The following MSL2 variants were observed in gnomAD, a reference collection of about 807,000 sequenced individuals.
MSL2 encodes MSL complex subunit 2.
In MSL2, 2 loss-of-function variants were observed where a neutral mutation model predicts 35.8. The ratio of observed to expected loss-of-function variants is 0.06; its 90% CI spans 0.02 to 0.18. MSL2 has a LOEUF of 0.18. Ranked by LOEUF, MSL2 falls within the 10% of genes least tolerant of loss-of-function variation. The probability of loss-of-function intolerance (pLI) is 1.00; values close to 1 mark genes in which losing one functional copy is unlikely to be tolerated. For synonymous variants in MSL2, 296 were observed against 255.7 expected (o/e 1.16, Z -1.50); for missense variants, 523 against 706.7 (o/e 0.74, Z 2.95).
intron 1 of MSL2, among the ~76,000 whole-genome samples, chr3:136,172,353 C>CA (rs1304985291): frequency 6.6e-6 from 1 of 152,060 alleles, no homozygotes; most frequent in Non-Finnish European, 1.5e-5. Context: ...CTTTGGCTCA[C>CA]ATACCTCCCA....
intron 1 of MSL2, among the ~76,000 whole-genome samples, chr3:136,192,014 C>T (rs937062308): frequency 6.6e-5 from 10 of 152,078 alleles, no homozygotes; most frequent in African/African-American, 2.4e-4. Context: ...GAATGTGAAG[C>T]AGAAGAAATA....
chr3:136,183,077 A>G (rs564930543), intron 1 of MSL2, among the ~76,000 whole-genome samples: 1 of 152,310 alleles, frequency 6.6e-6, no homozygotes, highest in South Asian at 2.1e-4. Context: ...GCTCAAGAAT[A>G]TTTGTAGTAC....
intron 1 of MSL2, among the ~76,000 whole-genome samples, chr3:136,191,872 A>G (rs1308808725): frequency 6.6e-6 from 1 of 152,258 alleles, no homozygotes; most frequent in African/African-American, 2.4e-5. Context: ...CAAAAAGTTA[A>G]AGCAATGTGC....
chr3:136,173,818 CCCTA>C (rs1397960952), intron 1 of MSL2, among the ~76,000 whole-genome samples: 1 of 152,092 alleles, frequency 6.6e-6, no homozygotes, highest in Non-Finnish European at 1.5e-5. Context: ...AGAATCTAGC[CCCTA>C]CCTACCTGTC....
intron 1 of MSL2, among the ~76,000 whole-genome samples, chr3:136,184,752 G>A (rs375383248): frequency 0.014 from 381 of 26,806 alleles, 10 homozygotes; most frequent in South Asian, 0.12. Context: ...AAAAAAAAAG[G>A]GGGGGGGGGG....
intron 1 of MSL2, among the ~76,000 whole-genome samples, chr3:136,189,432 T>C (rs368557448): frequency 3.0e-4 from 43 of 145,676 alleles, no homozygotes; most frequent in African/African-American, 8.2e-4. Context: ...CTCTAAAGAA[T>C]TCTTCCCAGA....
At position 136,195,693 on chromosome 3, in the gene MSL2, G is replaced by A. The variant is rs1940823447; in HGVS notation, c.-580C>T. On this transcript the variant is annotated 5_prime_UTR_variant, in exon 1 of 2. Coordinates refer to ENST00000309993, the MANE Select transcript of MSL2 (RefSeq NM_018133.4). ...CGGCGGCGACGAAGGTTGATGTTGCGGCTGGCGGACGCCGCCGCCGCGCTC... is the reference window on the plus strand; with the variant it reads ...CGGCGGCGACGAAGGTTGATGTTGCAGCTGGCGGACGCCGCCGCCGCGCTC... 2.0e-6 allele frequency: 2 copies of A among 985,454 alleles called. No individual in the cohort carries two copies. Among genetic ancestry groups the A allele is most frequent in the Middle Eastern group, 5.2e-4 (1 of 1,914 alleles). The allele number at this position is 985,454 out of a possible 1,614,324, so 61.0% of individuals were successfully genotyped here. A position where few individuals can be genotyped will look rare whatever the true frequency, so the allele number is the denominator to read the frequency against.
At chr3:136,162,848 G>A (rs2108068908) in intron 1 of MSL2, among the ~76,000 whole-genome samples, 1 of 152,150 alleles carries the variant, frequency 6.6e-6, no homozygotes, top group South Asian at 2.1e-4. Context: ...CTCAATCCTT[G>A]CAATCCTCAT....
At chr3:136,187,139 G>A (rs1245844962) in intron 1 of MSL2, among the ~76,000 whole-genome samples, 1 of 152,162 alleles carries the variant, frequency 6.6e-6, no homozygotes, top group African/African-American at 2.4e-5. Flanking sequence ...TGAAAGCACT[G>A]TGCTAAACAT....
intron 1 of MSL2, among the ~76,000 whole-genome samples, chr3:136,165,386 A>G (rs970642334): frequency 1.3e-5 from 2 of 152,032 alleles, no homozygotes; most frequent in African/African-American, 4.8e-5. Context: ...CAACATTTTC[A>G]TTTTTGTTTA....
At chr3:136,185,751 C>G (rs1196827560) in intron 1 of MSL2, among the ~76,000 whole-genome samples, 1 of 152,124 alleles carries the variant, frequency 6.6e-6, no homozygotes, top group Non-Finnish European at 1.5e-5. Context: ...GATGATCCAC[C>G]TGCCTCGGCC....
Position 136,154,136 on chromosome 3 carries a change from C to T in MSL2, c.143-1398G>A, listed in dbSNP as rs1271796629. On this transcript the variant is annotated intron_variant, in intron 1 of 1. Coordinates refer to ENST00000309993, the MANE Select transcript of MSL2 (RefSeq NM_018133.4). ...AGTAGGAGAGAACTATGTTCAACTA[C>T]ATTAAAACAAAGAAAAAAGGAGTAC... Among the ~76,000 whole-genome samples the T allele has an allele frequency of 1.4e-5, 2 of 147,828 alleles. 1 individual carries two copies. Among genetic ancestry groups the T allele is most frequent in the Admixed American group, 1.3e-4 (2 of 14,846 alleles).
In MSL2 at chr3:136,196,258, G is replaced by T. The variant is rs1297696038; in HGVS notation, c.-1145C>A. The T allele has an allele frequency of 6.6e-6, 1 of 152,452 alleles. No homozygotes were observed. The highest frequency in any genetic ancestry group is 1.5e-5 in the Non-Finnish European group (1 of 68,600). The allele number at this position is 152,452 out of a possible 1,614,324, so 9.4% of individuals were successfully genotyped here. On this transcript the variant is annotated 5_prime_UTR_variant, in exon 1 of 2. Coordinates refer to ENST00000309993, the MANE Select transcript of MSL2 (RefSeq NM_018133.4). ...GCCTCTGCTGGCGGCGACGACGACCGTTACCCCAACGGGCAAAGCCACTGT... is the reference window on the plus strand; with the variant it reads ...GCCTCTGCTGGCGGCGACGACGACCTTTACCCCAACGGGCAAAGCCACTGT...
rs902116681 is a variant in MSL2, at chr3:136,149,046, A to C, written c.*2101T>G. ...AAACAACCTGAATTCATCATTGGCA[A>C]TATTACATAACAATCAAGGCCCTCA... is the stretch of plus-strand genomic sequence containing the variant. On this transcript the variant is annotated 3_prime_UTR_variant, in exon 2 of 2. Coordinates refer to ENST00000309993, the MANE Select transcript of MSL2 (RefSeq NM_018133.4). 5.2e-5 allele frequency: 8 copies of C among 152,416 alleles called. No homozygotes were observed. The allele number at this position is 152,416 out of a possible 1,614,324, so 9.4% of individuals were successfully genotyped here.
In MSL2 at chr3:136,151,233, C is replaced by T. The variant is rs1361998482; in HGVS notation, c.1648G>A (p.Gly550Arg). The T allele has an allele frequency of 6.2e-7, 1 of 1,614,228 alleles. No individual in the cohort carries two copies. The highest frequency in any genetic ancestry group is 1.1e-5 in the South Asian group (1 of 91,090). The change falls in exon 2 of 2, where the codon GGG becomes AGG. Residue 550 changes from glycine (G) to arginine (R), a missense_variant. Coordinates refer to ENST00000309993, the MANE Select transcript of MSL2 (RefSeq NM_018133.4). The surrounding 1 kb of genome is among the most constrained non-coding windows in gnomAD (Gnocchi z 5.2). ...GCTAAAAACGTCGTTACTGGGGACCCTGTGACATTTATTACACTGGTGCTG... is the reference window on the plus strand; with the variant it reads ...GCTAAAAACGTCGTTACTGGGGACCTTGTGACATTTATTACACTGGTGCTG... ...STSTSVINVT[G>R]SPVTTFLAAS...
At position 136,180,795 on chromosome 3, in the gene MSL2, AGGG is replaced by A. The variant is rs1559969239; in HGVS notation, c.142+14174_142+14176del. ...GAGGGAGGGAGGGAGGGAGGGAGGGAGGGAGGGAGGGAGGGAAGGAGGGAAGGA... is the reference window on the plus strand; with the variant it reads ...GAGGGAGGGAGGGAGGGAGGGAGGGAAGGGAGGGAGGGAAGGAGGGAAGGA... On this transcript the variant is annotated intron_variant, in intron 1 of 1. Coordinates refer to ENST00000309993, the MANE Select transcript of MSL2 (RefSeq NM_018133.4). Among the ~76,000 whole-genome samples the A allele has an allele frequency of 4.1e-3, 256 of 62,698 alleles. 8 individuals carry two copies. Among genetic ancestry groups the A allele is most frequent in the East Asian group, 9.6e-3 (18 of 1,878 alleles). 41.1% of individuals were successfully genotyped at this position (62,698 alleles called of 152,430 possible). A position where few individuals can be genotyped will look rare whatever the true frequency, so the allele number is the denominator to read the frequency against.
At position 136,195,239 on chromosome 3, in the gene MSL2, A is replaced by T; in HGVS notation, c.-126T>A. Reference sequence around the variant, plus strand: ...GAAATCAGAGCCGAACCATTGGCCAAACAAGTAACCAAAATCCGTGCAAGT... The same window carrying T: ...GAAATCAGAGCCGAACCATTGGCCATACAAGTAACCAAAATCCGTGCAAGT... On this transcript the variant is annotated 5_prime_UTR_variant, in exon 1 of 2. The change creates a new upstream start codon in the 5' untranslated region. Transcript: ENST00000309993. The T allele has an allele frequency of 6.7e-7, 1 of 1,503,042 alleles. No individual in the cohort carries two copies. Among genetic ancestry groups the T allele is most frequent in the Non-Finnish European group, 8.8e-7 (1 of 1,131,050 alleles). The allele number at this position is 1,503,042 out of a possible 1,614,324, so 93.1% of individuals were successfully genotyped here.
intron 1 of MSL2, among the ~76,000 whole-genome samples, chr3:136,153,585 C>A (rs1298468145): frequency 7.3e-6 from 1 of 136,800 alleles, no homozygotes; most frequent in Non-Finnish European, 1.6e-5. Context: ...GTCAGGAGTT[C>A]AAGGCCAGCC....
At position 136,195,508 on chromosome 3, in the gene MSL2, C is replaced by T. The variant is rs1940812719; in HGVS notation, c.-395G>A. On this transcript the variant is annotated 5_prime_UTR_variant, in exon 1 of 2. Coordinates refer to ENST00000309993, the MANE Select transcript of MSL2 (RefSeq NM_018133.4). ...CACGGAGGCGCCTCCTCAAGTCGAG[C>T]TGGCAGGCGCGGGAGCAGGCCCCGG... 4.0e-6 allele frequency: 4 copies of T among 1,012,432 alleles called. No individual in the cohort carries two copies. The highest frequency in any genetic ancestry group is 1.0e-4 in the East Asian group (1 of 9,604). The allele number at this position is 1,012,432 out of a possible 1,614,324, so 62.7% of individuals were successfully genotyped here. A position where few individuals can be genotyped will look rare whatever the true frequency, so the allele number is the denominator to read the frequency against.
Sources: gnomAD v4.1 joint callset for allele counts (sites outside exome capture counted in the v4.1 genomes callset) on GRCh38, gnomAD v4.1.1 for gene constraint, Gnocchi (gnomAD v3.1) non-coding constraint, MANE v1.5 for transcripts, NCBI Gene and HGNC (gene_info 2026-07-23, HGNC 2026-07-21) for gene names.